Variants in VWCE observed in about 807,000 individuals in gnomAD.
VWCE encodes von Willebrand factor C and EGF domains.
VWCE carries 68 observed loss-of-function variants against 102.9 expected under a neutral mutation model. The ratio of observed to expected loss-of-function variants is 0.66; its 90% CI spans 0.54 to 0.81. VWCE has a LOEUF of 0.81. Ranked by LOEUF, VWCE falls within the 30% of genes least tolerant of loss-of-function variation. VWCE has a pLI of 0.00. For synonymous variants in VWCE, 497 were observed against 515.4 expected, an observed-to-expected ratio of 0.96 and a Z score of 0.48; for missense variants, 1,137 against 1,263.6, an observed-to-expected ratio of 0.90 and a Z score of 1.52.
At position 61,258,993 on chromosome 11, in the gene VWCE, G is replaced by A. The variant is rs761334450; in HGVS notation, c.2550C>T (p.Thr850=). Residue 850 remains threonine (T), a synonymous_variant, in exon 20 of 20, where the codon ACC becomes ACT. Transcript: ENST00000335613. ...GAGGTAGAGTGGGGGCTCCTGGAGG[G>A]GTCGAAGGCCCTGGTGAGAGTCGAG... ...ASPRLSPGPS[T]PPGAPTLPLA... 1.5e-5 allele frequency: 24 copies of A among 1,611,242 alleles called. No homozygotes were observed. In the East Asian group the frequency reaches 5.3e-4, roughly 36 times the overall value.
In VWCE at chr11:61,295,149, TC is replaced by T; in HGVS notation, c.-113del. The T allele has an allele frequency of 1.6e-6, 1 of 616,692 alleles. No individual in the cohort carries two copies. The highest frequency in any genetic ancestry group is 2.4e-6 in the Non-Finnish European group (1 of 419,130). 38.2% of individuals were successfully genotyped at this position (616,692 alleles called of 1,614,324 possible). ...GGCGCCGTGGGGAGCGAACCAGCGA[TC>T]CCCGAAATGGCACGCAGAGCTGAGC... On this transcript the variant is annotated 5_prime_UTR_variant, in exon 1 of 20. Transcript: ENST00000335613. The surrounding 1 kb of genome is among the most constrained non-coding windows in gnomAD (Gnocchi z 4.6).
intron 19 of VWCE, among the ~76,000 whole-genome samples, chr11:61,261,472 G>A (rs1854357150): frequency 6.6e-6 from 1 of 152,052 alleles, no homozygotes. Flanking sequence ...GCTGGGCTCA[G>A]TGGCTCATGC....
chr11:61,259,916 T>C (rs7108797), intron 19 of VWCE, among the ~76,000 whole-genome samples: 24,371 of 152,150 alleles, frequency 0.16, 5,736 homozygotes, highest in African/African-American at 0.52. Context: ...ACACAGATGC[T>C]CCTTGACTTA....
intron 4 of VWCE, among the ~76,000 whole-genome samples, chr11:61,288,652 C>G (rs923199845): frequency 6.6e-6 from 1 of 152,136 alleles, no homozygotes; most frequent in Non-Finnish European, 1.5e-5. Flanking sequence ...ATGAGAAATA[C>G]GTGCAGAAAA....
intron 4 of VWCE, among the ~76,000 whole-genome samples, chr11:61,287,556 C>T (rs896686421): frequency 6.6e-6 from 1 of 152,156 alleles, no homozygotes; most frequent in African/African-American, 2.4e-5. Context: ...AACTAAGACA[C>T]AGCGCTGACT....
At chr11:61,265,978 G>A (rs1171334262) in intron 16 of VWCE, among the ~76,000 whole-genome samples, 6 of 152,032 alleles carry the variant, frequency 3.9e-5, no homozygotes, top group African/African-American at 4.8e-5. Context: ...CCTGGGAGGC[G>A]GAGGTTGCAG....
chr11:61,284,800 TAG>T (rs1320906083), intron 5 of VWCE, among the ~76,000 whole-genome samples: 4 of 151,888 alleles, frequency 2.6e-5, no homozygotes, highest in Admixed American at 1.3e-4. Context: ...ATACAAAAAT[TAG>T]CCAGTCGTGG....
Position 61,273,282 on chromosome 11 carries a change from G to C in VWCE, c.1616C>G (p.Pro539Arg), listed in dbSNP as rs754218880. ...GEVECSFMPC[P>R]ELACPREEWR... ...CTCTTCTCGGGGGCAGGCCAGCTCA[G>C]GGCAGGGCATGAAGGAGCACTCCAC... Residue 539 changes from proline to arginine, a missense_variant, in exon 13 of 20, where the codon CCT becomes CGT. Pro to Arg is a moderately radical substitution (Grantham distance 103). Coordinates refer to ENST00000335613, the MANE Select transcript of VWCE (RefSeq NM_152718.2). 6.2e-7 allele frequency: 1 copy of C among 1,613,702 alleles called. No individual in the cohort carries two copies. Among genetic ancestry groups the C allele is most frequent in the Admixed American group, 1.7e-5 (1 of 59,938 alleles).
At position 61,281,866 on chromosome 11, in the gene VWCE, G is replaced by A. The variant is rs1565227184; in HGVS notation, c.707C>T (p.Ser236Phe). The change falls in exon 7 of 20, where the codon TCC (serine) becomes TTC (phenylalanine). Residue 236 changes from serine to phenylalanine, a missense_variant. By Grantham distance (155) the Ser-to-Phe change is radical (BLOSUM62 -2). This residue lies in a region of VWCE where 575 missense variants were observed against 625.9 expected (regional missense o/e 0.92). Coordinates refer to ENST00000335613, the MANE Select transcript of VWCE (RefSeq NM_152718.2). Reference sequence around the variant, plus strand: ...GAAGCTGCCCACGGTGTTGTGGCAGGAATGGTGACAGACTCGCCTCTCCAA... The same window carrying A: ...GAAGCTGCCCACGGTGTTGTGGCAGAAATGGTGACAGACTCGCCTCTCCAA... Reference protein sequence around the residue: ...RPLERRVCHHSCHNTVGSFLC... With the variant: ...RPLERRVCHHFCHNTVGSFLC... The A allele has an allele frequency of 6.2e-7, 1 of 1,613,914 alleles. No individual in the cohort carries two copies. Among genetic ancestry groups the A allele is most frequent in the Non-Finnish European group, 8.5e-7 (1 of 1,179,892 alleles).
At position 61,282,884 on chromosome 11, in the gene VWCE, G is replaced by C. The variant is rs763392587; in HGVS notation, c.563C>G (p.Thr188Ser). 7.4e-6 allele frequency: 12 copies of C among 1,614,030 alleles called. No individual in the cohort carries two copies. The highest frequency in any genetic ancestry group is 1.6e-4 in the Middle Eastern group (1 of 6,080). ...GTTTTTACATCTCTGCTGACAGGGA[G>C]TCCCTAGGCATTCGTCAGTGTCTGG... ...SCQDTDECLG[T>S]PCQQRCKNSI... The change falls in exon 6 of 20, where the codon ACT becomes AGT. Residue 188 changes from threonine to serine, a missense_variant. Thr to Ser is a moderately conservative substitution (Grantham distance 58). Coordinates refer to ENST00000335613, the MANE Select transcript of VWCE (RefSeq NM_152718.2).
intron 12 of VWCE, 130 bp downstream of exon 12, chr11:61,274,369 T>C: frequency 1.2e-6 from 1 of 821,186 alleles, no homozygotes; most frequent in East Asian, 2.7e-5. Flanking sequence ...TGTAGTGCCT[T>C]TGCTTCCTCA....
At chr11:61,262,073 C>G (rs1310526756) in intron 19 of VWCE, among the ~76,000 whole-genome samples, 1 of 152,112 alleles carries the variant, frequency 6.6e-6, no homozygotes, top group Admixed American at 6.5e-5. Context: ...CCTGCCTCAG[C>G]CTCCCAAATA....
At position 61,280,721 on chromosome 11, in the gene VWCE, G is replaced by GAAGC; in HGVS notation, c.1231-8_1231-5dup. The GAAGC allele has an allele frequency of 6.2e-7, 1 of 1,613,962 alleles. No individual in the cohort carries two copies. The highest frequency in any genetic ancestry group is 8.5e-7 in the Non-Finnish European group (1 of 1,180,004). The stretch of plus-strand genomic sequence containing the variant: ...TTTCACAGGTCACCTTCCCGTCCTA[G>GAAGC]AAGCACAAGCAGGAGTTAGAGCCAC... On this transcript the variant is annotated splice_region_variant and splice_polypyrimidine_tract_variant and intron_variant, in intron 8 of 19. Transcript: ENST00000335613.
At chr11:61,259,831 T>C (rs1854302739) in intron 19 of VWCE, among the ~76,000 whole-genome samples, 1 of 152,190 alleles carries the variant, frequency 6.6e-6, no homozygotes. Flanking sequence ...AAATAGTTTC[T>C]TTGAAGAATT....
Position 61,295,011 on chromosome 11 carries a change from G to C in VWCE, c.27C>G (p.Ala9=), listed in dbSNP as rs1371595158. 34 of 1,469,590 alleles carry C rather than the reference G, an allele frequency of 2.3e-5. No individual in the cohort carries two copies. Among genetic ancestry groups the C allele is most frequent in the Non-Finnish European group, 3.1e-5 (34 of 1,111,416 alleles). 91.0% of individuals were successfully genotyped at this position (1,469,590 alleles called of 1,614,324 possible). A position where few individuals can be genotyped will look rare whatever the true frequency, so the allele number is the denominator to read the frequency against. ...CCGGCAGCAGGAGCGCGACACAGGCGGCCCGAAGGAGCAGTCCGGCCCACA... is the reference window on the plus strand; with the variant it reads ...CCGGCAGCAGGAGCGCGACACAGGCCGCCCGAAGGAGCAGTCCGGCCCACA... MWAGLLLR[A]ACVALLLPGA... Residue 9 remains alanine, a synonymous_variant, in exon 1 of 20, where the codon GCC becomes GCG. Coordinates refer to ENST00000335613, the MANE Select transcript of VWCE (RefSeq NM_152718.2). The surrounding 1 kb of genome is among the most constrained non-coding windows in gnomAD (Gnocchi z 4.6).
intron 2 of VWCE, 27 bp downstream of exon 2, chr11:61,291,455 A>T: frequency 6.4e-7 from 1 of 1,560,428 alleles, no homozygotes; most frequent in South Asian, 1.2e-5. Context: ...GGAGGAGAAG[A>T]CTTGGGGCAC....
intron 5 of VWCE, among the ~76,000 whole-genome samples, chr11:61,285,157 C>T (rs1339186187): frequency 6.6e-6 from 1 of 151,974 alleles, no homozygotes; most frequent in Non-Finnish European, 1.5e-5. Context: ...TTATCATGGC[C>T]GCCCAAGCAG....
chr11:61,271,561 G>A (rs1035372440), intron 14 of VWCE, 114 bp downstream of exon 14: 6 of 960,452 alleles, frequency 6.2e-6, no homozygotes, highest in African/African-American at 1.6e-5. Flanking sequence ...CAGCACCGGA[G>A]GGAGACTGCG....
At chr11:61,279,101 GTCC>G (rs1855030051) in intron 9 of VWCE, among the ~76,000 whole-genome samples, 2 of 151,750 alleles carry the variant, frequency 1.3e-5, no homozygotes, top group South Asian at 4.2e-4. Context: ...TAACCAGCGT[GTCC>G]CTGGACATGT....
Sources: allele counts gnomAD v4.1 joint callset (sites outside exome capture counted in the v4.1 genomes callset), GRCh38; gene constraint gnomAD v4.1.1; regional missense constraint gnomAD v4.1.1; non-coding constraint Gnocchi (gnomAD v3.1); transcripts MANE v1.5; gene names NCBI Gene and HGNC (gene_info 2026-07-23, HGNC 2026-07-21).